Variants in CDH18 observed in about 807,000 individuals in gnomAD.
The protein encoded by CDH18 is cadherin 18, also known as cadherin-18.
CDH18 carries 31 observed loss-of-function variants against 67.9 expected under a neutral mutation model. That is an observed-to-expected ratio of 0.46 (90% CI 0.34 to 0.62). The LOEUF is 0.62. Ranked by LOEUF, CDH18 falls within the 20% of genes least tolerant of loss-of-function variation. The pLI is 0.01. For missense variants in CDH18, 890 were observed against 975.5 expected (o/e 0.91, Z 1.17); for synonymous variants, 362 against 347.2 (o/e 1.04, Z -0.48).
intron 9 of CDH18, among the ~76,000 whole-genome samples, chr5:19,530,892 C>CT (rs1748497938): frequency 7.9e-6 from 1 of 125,874 alleles, no homozygotes; most frequent in Non-Finnish European, 1.7e-5. Context: ...CGCAATATAC[C>CT]CTTGCGCTTC....
intron 3 of CDH18, among the ~76,000 whole-genome samples, chr5:19,783,973 C>A (rs903580082): frequency 6.6e-6 from 1 of 152,058 alleles, no homozygotes; most frequent in African/African-American, 2.4e-5. Context: ...ACAAAAATCC[C>A]ATAGGTAGAT....
At position 20,426,400 on chromosome 5, in the gene CDH18, G is replaced by A. The variant is rs923170328; in HGVS notation, c.-580+149062C>T. The stretch of plus-strand genomic sequence containing the variant: ...TATTGCAGTTTTTACTCTTTTAACC[G>A]TATTTCTGTATTTTATCATCCCTTA... On this transcript the variant is annotated intron_variant, in intron 1 of 14. Coordinates refer to the CDH18 transcript ENST00000507958. 1.5e-4 allele frequency among the ~76,000 whole-genome samples: 23 copies of A among 151,074 alleles called. 2 individuals are homozygous for A. Among genetic ancestry groups the A allele is most frequent in the African/African-American group, 4.9e-4 (20 of 40,496 alleles).
At chr5:19,983,827 G>A (rs1269075841) in intron 1 of CDH18, among the ~76,000 whole-genome samples, 2 of 152,144 alleles carry the variant, frequency 1.3e-5, no homozygotes, top group Non-Finnish European at 2.9e-5. Context: ...TTTAACTTGT[G>A]TTGGCCTTCT....
intron 1 of CDH18, among the ~76,000 whole-genome samples, chr5:20,378,324 A>T (rs547089099): frequency 2.0e-5 from 3 of 151,870 alleles, no homozygotes; most frequent in Non-Finnish European, 4.4e-5. Flanking sequence ...GGCACCCACC[A>T]CCACGCCCAG....
chr5:20,394,240 TC>T (rs35738233), intron 1 of CDH18, among the ~76,000 whole-genome samples: 28,838 of 150,474 alleles, frequency 0.19, 2,994 homozygotes, highest in African/African-American at 0.26. Context: ...GAATATAGAA[TC>T]CCCCCCAAAA....
chr5:20,434,272 T>C (rs958776285), intron 1 of CDH18, among the ~76,000 whole-genome samples: 2 of 152,076 alleles, frequency 1.3e-5, no homozygotes, highest in African/African-American at 4.8e-5. Context: ...GAAAGTCTCA[T>C]TGAATTATTG....
chr5:20,391,435 A>C (rs1024225160), intron 1 of CDH18, among the ~76,000 whole-genome samples: 2 of 152,066 alleles, frequency 1.3e-5, no homozygotes, highest in Admixed American at 6.6e-5. Context: ...TAAATGAAAT[A>C]TTTAGCATAT....
At chr5:20,429,043 C>A (rs1244522181) in intron 1 of CDH18, among the ~76,000 whole-genome samples, 1 of 151,338 alleles carries the variant, frequency 6.6e-6, no homozygotes, top group Non-Finnish European at 1.5e-5. Context: ...TAAAAGAGCA[C>A]AAACACTCGT....
intron 7 of CDH18, among the ~76,000 whole-genome samples, chr5:19,580,906 T>TA (rs1304593492): frequency 6.6e-6 from 1 of 151,976 alleles, no homozygotes; most frequent in Non-Finnish European, 1.5e-5. Flanking sequence ...TAGTGGAATA[T>TA]AATAAATTCA....
chr5:19,571,483 G>C (rs1192610333), intron 8 of CDH18, 96 bp downstream of exon 8: 1 of 1,094,536 alleles, frequency 9.1e-7, no homozygotes, highest in Non-Finnish European at 1.3e-6. Flanking sequence ...AAACAACGTA[G>C]AAATAAAACA....
At chr5:20,053,572 A>G (rs1348087302) in intron 2 of CDH18, among the ~76,000 whole-genome samples, 1 of 151,964 alleles carries the variant, frequency 6.6e-6, no homozygotes, top group Non-Finnish European at 1.5e-5. Flanking sequence ...CCCTTTTCTT[A>G]TTTCTCACAA....
intron 2 of CDH18, among the ~76,000 whole-genome samples, chr5:19,970,685 G>C (rs1797936627): frequency 6.6e-6 from 1 of 151,418 alleles, no homozygotes; most frequent in African/African-American, 2.4e-5. Flanking sequence ...TGGGAATACA[G>C]TTCATAAGAT....
chr5:20,241,434 T>C (rs1742886727), intron 2 of CDH18, among the ~76,000 whole-genome samples: 1 of 152,158 alleles, frequency 6.6e-6, no homozygotes, highest in Admixed American at 6.5e-5. Context: ...CTTGGGTTAA[T>C]GGCTGAAAGA....
At chr5:20,521,432 T>C (rs1440636909) in intron 1 of CDH18, among the ~76,000 whole-genome samples, 1 of 152,082 alleles carries the variant, frequency 6.6e-6, no homozygotes, top group Non-Finnish European at 1.5e-5. Flanking sequence ...ACTTAGGAGT[T>C]TGAATTAGCC....
chr5:19,813,289 T>TA (rs1188459243), intron 3 of CDH18, among the ~76,000 whole-genome samples: 1 of 151,320 alleles, frequency 6.6e-6, no homozygotes. Context: ...TAAAGTATAA[T>TA]AAAAAAAATT....
intron 1 of CDH18, among the ~76,000 whole-genome samples, chr5:20,303,534 T>C (rs1476411133): frequency 6.6e-6 from 1 of 152,026 alleles, no homozygotes; most frequent in Non-Finnish European, 1.5e-5. Context: ...AAAATAAAAA[T>C]AAAGCAGAGG....
At chr5:19,531,159 T>C (rs1489343806) in intron 9 of CDH18, among the ~76,000 whole-genome samples, 1 of 152,198 alleles carries the variant, frequency 6.6e-6, no homozygotes, top group Non-Finnish European at 1.5e-5. Flanking sequence ...AAATACAGCG[T>C]TCATTAAGAA....
At chr5:20,102,568 A>G (rs1244405955) in intron 2 of CDH18, among the ~76,000 whole-genome samples, 2 of 152,202 alleles carry the variant, frequency 1.3e-5, no homozygotes, top group African/African-American at 2.4e-5. Context: ...AAACAGCTCT[A>G]TAGGAGGTTT....
intron 1 of CDH18, among the ~76,000 whole-genome samples, chr5:20,277,188 G>C (rs1432305516): frequency 6.6e-6 from 1 of 152,112 alleles, no homozygotes; most frequent in Non-Finnish European, 1.5e-5. Context: ...GTTACTGCAG[G>C]CCTTCGGTGA....
Sources: allele counts gnomAD v4.1 joint callset (sites outside exome capture counted in the v4.1 genomes callset), GRCh38; gene constraint gnomAD v4.1.1; transcripts MANE v1.5; gene names NCBI Gene and HGNC (gene_info 2026-07-23, HGNC 2026-07-21).